FERMT2: variants seen among roughly 807,000 people sequenced by gnomAD.
FERMT2 encodes FERM domain containing kindlin 2, also known as fermitin family homolog 2.
FERMT2 carries 15 observed loss-of-function variants against 82.7 expected under a neutral mutation model. The ratio of observed to expected loss-of-function variants is 0.18; its 90% CI spans 0.12 to 0.28. The LOEUF is 0.28. FERMT2 is among the 10% of genes least tolerant of loss of function. The probability of loss-of-function intolerance (pLI) is 1.00; values close to 1 mark genes in which losing one functional copy is unlikely to be tolerated. For synonymous variants in FERMT2, 274 were observed against 271.5 expected (o/e 1.01, Z -0.09); for missense variants, 645 against 809.4 (o/e 0.80, Z 2.46).
At chr14:52,939,047 G>T (rs778420702) in intron 2 of FERMT2, among the ~76,000 whole-genome samples, 7 of 151,886 alleles carry the variant, frequency 4.6e-5, no homozygotes, top group Middle Eastern at 3.4e-3. Context: ...ATATGGTAAA[G>T]AGTATGTCAG....
chr14:52,919,094 A>C, intron 3 of FERMT2, 29 bp downstream of exon 3: 1 of 1,499,396 alleles, frequency 6.7e-7, no homozygotes, highest in African/African-American at 1.4e-5. Flanking sequence ...CATAACTCGT[A>C]TTTTAAGAAG....
intron 3 of FERMT2, 101 bp from the exon 4 acceptor site, chr14:52,893,528 T>G (rs890567724): frequency 4.5e-6 from 4 of 895,428 alleles, no homozygotes; most frequent in Admixed American, 5.4e-5. Flanking sequence ...AACTTCCTTC[T>G]GTATGTCTGA....
intron 3 of FERMT2, among the ~76,000 whole-genome samples, chr14:52,909,868 C>G (rs1191290415): frequency 6.6e-6 from 1 of 152,102 alleles, no homozygotes; most frequent in Non-Finnish European, 1.5e-5. Context: ...TCCTGGCAAA[C>G]ATGGTGAAAC....
chr14:52,930,814 T>G (rs1234529448), intron 2 of FERMT2, among the ~76,000 whole-genome samples: 1 of 152,216 alleles, frequency 6.6e-6, no homozygotes, highest in African/African-American at 2.4e-5. Context: ...AGACAGGGCC[T>G]ACAAGTAAAA....
chr14:52,946,477 A>T (rs2139713468), intron 2 of FERMT2, among the ~76,000 whole-genome samples: 1 of 152,064 alleles, frequency 6.6e-6, no homozygotes, highest in East Asian at 1.9e-4. Context: ...ACAAAGCAAG[A>T]CCCATCTCTA....
intron 2 of FERMT2, among the ~76,000 whole-genome samples, chr14:52,944,256 T>C (rs1890222006): frequency 6.6e-6 from 1 of 152,262 alleles, no homozygotes; most frequent in African/African-American, 2.4e-5. Flanking sequence ...AATAAGATTT[T>C]AACATTGTTT....
intron 2 of FERMT2, among the ~76,000 whole-genome samples, chr14:52,944,372 T>C (rs1414494725): frequency 6.6e-6 from 1 of 152,212 alleles, no homozygotes; most frequent in Non-Finnish European, 1.5e-5. Context: ...ATGAATTCAG[T>C]TGTGAGCCCT....
intron 3 of FERMT2, among the ~76,000 whole-genome samples, chr14:52,904,380 G>C (rs1318964044): frequency 6.6e-6 from 1 of 152,360 alleles, no homozygotes; most frequent in South Asian, 2.1e-4. Context: ...AGCTGGGCAT[G>C]GTGGCATGTA....
intron 3 of FERMT2, among the ~76,000 whole-genome samples, chr14:52,903,116 A>C (rs1193576543): frequency 6.6e-6 from 1 of 152,006 alleles, no homozygotes; most frequent in East Asian, 1.9e-4. Context: ...ACAATGAATG[A>C]AAATAAAACC....
Position 52,950,569 on chromosome 14 carries a change from G to T in FERMT2, c.-1C>A, listed in dbSNP as rs758918593. On this transcript the variant is annotated 5_prime_UTR_variant, in exon 2 of 15. Transcript: ENST00000341590. ...GCATCCTTATCCCGTCCAGAGCCATGGCTCCTTCCTGCGAGCGCGGAGGAA... is the reference window on the plus strand; with the variant it reads ...GCATCCTTATCCCGTCCAGAGCCATTGCTCCTTCCTGCGAGCGCGGAGGAA... 3 of 1,612,058 alleles carry T rather than the reference G, an allele frequency of 1.9e-6. No homozygotes were observed. Among genetic ancestry groups the T allele is most frequent in the Non-Finnish European group, 2.5e-6 (3 of 1,179,134 alleles).
intron 3 of FERMT2, among the ~76,000 whole-genome samples, chr14:52,916,892 A>C (rs1019037972): frequency 6.6e-6 from 1 of 152,236 alleles, no homozygotes; most frequent in Non-Finnish European, 1.5e-5. Flanking sequence ...CAAATGATAT[A>C]AACAATTAAA....
intron 2 of FERMT2, among the ~76,000 whole-genome samples, chr14:52,940,959 T>C (rs1048195311): frequency 1.3e-5 from 2 of 152,142 alleles, no homozygotes; most frequent in African/African-American, 4.8e-5. Flanking sequence ...ATACTTACTA[T>C]ACCACCCAGC....
At chr14:52,864,881 G>A (rs767823405) in intron 10 of FERMT2, 28 bp from the exon 11 acceptor site, 8 of 1,275,158 alleles carry the variant, frequency 6.3e-6, no homozygotes, top group African/African-American at 1.5e-5. Context: ...TATTAAAATG[G>A]CTAAATTTAC....
At chr14:52,893,090 G>T (rs113061527) in intron 4 of FERMT2, among the ~76,000 whole-genome samples, 3 of 152,194 alleles carry the variant, frequency 2.0e-5, no homozygotes, top group African/African-American at 7.2e-5. Flanking sequence ...TCTGCCTCCC[G>T]GGTTCAAGCG....
chr14:52,902,728 G>A (rs1321344564), intron 3 of FERMT2, among the ~76,000 whole-genome samples: 6 of 151,058 alleles, frequency 4.0e-5, no homozygotes, highest in Non-Finnish European at 4.4e-5. Flanking sequence ...AATGAGCCAG[G>A]CATGGTTGTG....
intron 3 of FERMT2, among the ~76,000 whole-genome samples, chr14:52,893,962 G>A (rs1161045027): frequency 2.0e-5 from 3 of 151,918 alleles, no homozygotes; most frequent in Non-Finnish European, 2.9e-5. Context: ...CTGAACAGCT[G>A]GGGTTACAGG....
At chr14:52,884,730 G>A (rs892445045) in intron 4 of FERMT2, among the ~76,000 whole-genome samples, 1 of 151,746 alleles carries the variant, frequency 6.6e-6, no homozygotes, top group African/African-American at 2.4e-5. Context: ...TTACTGTAAG[G>A]TGGCTCATGC....
intron 4 of FERMT2, among the ~76,000 whole-genome samples, chr14:52,884,417 C>T (rs535603818): frequency 6.6e-6 from 1 of 152,166 alleles, no homozygotes; most frequent in East Asian, 1.9e-4. Flanking sequence ...GCCTGGCCAA[C>T]ATGGTGAAAC....
rs141263595 is a variant in FERMT2 at position 52,860,445 on chromosome 14, C to T, written c.1623G>A (p.Glu541=). The change falls in exon 13 of 15, where the codon GAG becomes GAA. Residue 541 remains glutamate, a synonymous_variant. Coordinates refer to ENST00000341590, the MANE Select transcript of FERMT2 (RefSeq NM_006832.3). ...TCATCTGAGCTACATTCTGATGGGC[C>T]TCCAAGATTCTCGCTGTTATCTAAA... ...KNKQITARIL[E]AHQNVAQMSL... 6.2e-7 allele frequency: 1 copy of T among 1,612,780 alleles called. No individual in the cohort carries two copies. Among genetic ancestry groups the T allele is most frequent in the Middle Eastern group, 1.7e-4 (1 of 6,054 alleles).
Sources: gnomAD v4.1 joint callset for allele counts (sites outside exome capture counted in the v4.1 genomes callset) on GRCh38, gnomAD v4.1.1 for gene constraint, MANE v1.5 for transcripts, NCBI Gene and HGNC (gene_info 2026-07-23, HGNC 2026-07-21) for gene names.